The following IGSF21 variants were observed in gnomAD, a reference collection of about 807,000 sequenced individuals.
The protein encoded by IGSF21 is immunoglobin superfamily member 21.
Under a neutral mutation model 46.8 loss-of-function variants are expected in IGSF21, and 28 were observed. That is an observed-to-expected ratio of 0.60 (90% CI 0.44 to 0.82). The LOEUF is 0.82. Among genes scored for constraint, IGSF21 ranks in the 40% least tolerant of loss-of-function variants. The pLI is 0.00. For missense variants in IGSF21, 624 were observed against 665.5 expected (o/e 0.94, Z 0.69); for synonymous variants, 284 against 273.6 (o/e 1.04, Z -0.38).
chr1:18,133,769 C>T (rs1291199211), intron 1 of IGSF21, among the ~76,000 whole-genome samples: 5 of 152,254 alleles, frequency 3.3e-5, no homozygotes, highest in Admixed American at 6.5e-5. Context: ...TGCCGATCCC[C>T]GTTATGGGGC....
At position 18,365,729 on chromosome 1, in the gene IGSF21, C is replaced by T. The variant is rs1241837189; in HGVS notation, c.1015+32C>T. 1.9e-6 allele frequency: 3 copies of T among 1,549,090 alleles called. No homozygotes were observed. The highest frequency in any genetic ancestry group is 2.6e-6 in the Non-Finnish European group (3 of 1,132,682). ...CTTGGTGGGGGCCCTTCTGTAGAGC[C>T]CTTGCAGACCTGGGTGTGGGGAGAG... On this transcript the variant is annotated intron_variant, in intron 6 of 9. Coordinates refer to ENST00000251296, the MANE Select transcript of IGSF21 (RefSeq NM_032880.5). The surrounding 1 kb of genome is among the most constrained non-coding windows in gnomAD (Gnocchi z 4.8).
intron 2 of IGSF21, among the ~76,000 whole-genome samples, chr1:18,256,824 C>G (rs1271107097): frequency 6.6e-6 from 1 of 152,214 alleles, no homozygotes; most frequent in Non-Finnish European, 1.5e-5. Context: ...CTAGCCTAAT[C>G]CCCTCTTCCT....
intron 1 of IGSF21, among the ~76,000 whole-genome samples, chr1:18,136,361 A>C (rs1318487739): frequency 2.0e-5 from 3 of 152,188 alleles, no homozygotes; most frequent in Non-Finnish European, 2.9e-5. Flanking sequence ...GGTATTGCCT[A>C]GGTTTTCTTC....
At chr1:18,364,190 A>G (rs2086134410) in intron 5 of IGSF21, among the ~76,000 whole-genome samples, 4 of 152,126 alleles carry the variant, frequency 2.6e-5, no homozygotes, top group Admixed American at 1.3e-4. Flanking sequence ...CAGGCATCTT[A>G]TGTTTGCCTG....
At chr1:18,119,269 C>A (rs2086212712) in intron 1 of IGSF21, among the ~76,000 whole-genome samples, 1 of 152,234 alleles carries the variant, frequency 6.6e-6, no homozygotes, top group Non-Finnish European at 1.5e-5. Context: ...TAGGCAAGTT[C>A]TTGCCCCACT....
At chr1:18,291,821 G>T (rs2085269772) in intron 2 of IGSF21, 45 bp from the exon 3 acceptor site, 4 of 1,605,064 alleles carry the variant, frequency 2.5e-6, no homozygotes, top group Non-Finnish European at 3.4e-6. Context: ...GGTGACCAGG[G>T]CCGGTTGAGC....
chr1:18,169,260 C>A (rs1034171003), intron 1 of IGSF21, among the ~76,000 whole-genome samples: 1 of 152,182 alleles, frequency 6.6e-6, no homozygotes, highest in Admixed American at 6.5e-5. Context: ...GTAGCTTTGG[C>A]GAGCGGGATC....
intron 6 of IGSF21, among the ~76,000 whole-genome samples, chr1:18,371,263 G>A (rs1437605943): frequency 6.6e-6 from 1 of 152,170 alleles, no homozygotes; most frequent in Non-Finnish European, 1.5e-5. Context: ...GCATTAGCAT[G>A]GATGGAGCTC....
intron 2 of IGSF21, among the ~76,000 whole-genome samples, chr1:18,291,243 G>A (rs960022999): frequency 6.6e-6 from 1 of 152,106 alleles, no homozygotes; most frequent in African/African-American, 2.4e-5. Context: ...TCCCACTTCC[G>A]CATTCTTAGG....
Position 18,324,993 on chromosome 1 carries a change from C to A in IGSF21, c.306-9899C>A, listed in dbSNP as rs566753009. 3.9e-5 allele frequency among the ~76,000 whole-genome samples: 6 copies of A among 152,226 alleles called. No homozygotes were observed. The South Asian group carries it at 6.2e-4, about 16-fold the overall frequency. On this transcript the variant is annotated intron_variant, in intron 3 of 9. Transcript: ENST00000251296. The stretch of plus-strand genomic sequence containing the variant: ...CAAGTTCACAGCAGGGAGGATGAGA[C>A]AATTTGCTCTTGAGCTAGGCCTGGA...
chr1:18,284,051 G>A (rs1269042425), intron 2 of IGSF21, among the ~76,000 whole-genome samples: 1 of 152,154 alleles, frequency 6.6e-6, no homozygotes, highest in African/African-American at 2.4e-5. Flanking sequence ...TAGAAGAGAT[G>A]AGTCAGTTTT....
chr1:18,185,864 A>T (rs967073044), intron 1 of IGSF21, among the ~76,000 whole-genome samples: 14 of 152,160 alleles, frequency 9.2e-5, no homozygotes, highest in African/African-American at 3.4e-4. Flanking sequence ...TTGCCATTTC[A>T]CTGTATCCCT....
At chr1:18,133,151 G>C (rs1485072018) in intron 1 of IGSF21, among the ~76,000 whole-genome samples, 1 of 152,230 alleles carries the variant, frequency 6.6e-6, no homozygotes, top group African/African-American at 2.4e-5. Context: ...GAAGAGGGAG[G>C]GGGAAGGGAA....
intron 1 of IGSF21, among the ~76,000 whole-genome samples, chr1:18,136,120 G>A (rs2086366089): frequency 6.6e-6 from 1 of 151,940 alleles, no homozygotes; most frequent in Admixed American, 6.6e-5. Context: ...TTTTTTTCTT[G>A]TAAATTTGTT....
chr1:18,199,842 T>A (rs886964352), intron 1 of IGSF21, among the ~76,000 whole-genome samples: 5 of 152,162 alleles, frequency 3.3e-5, no homozygotes, highest in African/African-American at 1.2e-4. Flanking sequence ...CCCCGCTTCG[T>A]CAGATAAGGT....
chr1:18,132,227 C>CTGACCTA (rs571502316), intron 1 of IGSF21, among the ~76,000 whole-genome samples: 159 of 152,208 alleles, frequency 1.0e-3, no homozygotes, highest in African/African-American at 3.6e-3. Flanking sequence ...CCAAACCACA[C>CTGACCTA]TGACCTATGA....
chr1:18,140,224 G>A (rs970997030), intron 1 of IGSF21, among the ~76,000 whole-genome samples: 9 of 152,182 alleles, frequency 5.9e-5, no homozygotes, highest in African/African-American at 1.2e-4. Context: ...CTGGAATCAC[G>A]CAGCTTCCTT....
intron 3 of IGSF21, among the ~76,000 whole-genome samples, chr1:18,309,349 C>G (rs1346283820): frequency 6.6e-6 from 1 of 152,122 alleles, no homozygotes; most frequent in Non-Finnish European, 1.5e-5. Flanking sequence ...CATGTGAGAA[C>G]TCAGCCATGG....
At chr1:18,360,747 C>T (rs1005421012) in intron 4 of IGSF21, among the ~76,000 whole-genome samples, 2 of 152,200 alleles carry the variant, frequency 1.3e-5, no homozygotes, top group African/African-American at 2.4e-5. Context: ...GCAGAAATCA[C>T]AATAATAGCA....
Sources: gnomAD v4.1 joint callset for allele counts (sites outside exome capture counted in the v4.1 genomes callset) on GRCh38, gnomAD v4.1.1 for gene constraint, Gnocchi (gnomAD v3.1) non-coding constraint, MANE v1.5 for transcripts, NCBI Gene and HGNC (gene_info 2026-07-23, HGNC 2026-07-21) for gene names.